The following FAM167A variants were observed in gnomAD, a reference collection of about 807,000 sequenced individuals.
FAM167A encodes family with sequence similarity 167 member A.
FAM167A carries 23 observed loss-of-function variants against 14.9 expected under a neutral mutation model. The observed-to-expected ratio is 1.55, with a 90% CI of 1.11 to 2.19. The LOEUF is 2.19. FAM167A is among the 30% of genes most tolerant of loss of function. FAM167A has a pLI of 0.00. For synonymous variants in FAM167A, 174 were observed against 117.7 expected, an observed-to-expected ratio of 1.48 and a Z score of -3.10; for missense variants, 401 against 281.5, an observed-to-expected ratio of 1.42 and a Z score of -3.04.
rs139195701 is a variant in FAM167A at position 11,436,247 on chromosome 8, G to T, written c.381+7784C>A. Among the ~76,000 whole-genome samples, 101 of 152,316 alleles carry T rather than the reference G, an allele frequency of 6.6e-4. 1 individual carries two copies. The highest frequency in any genetic ancestry group is 1.4e-3 in the Admixed American group (21 of 15,310). ...GATGCGGTGGGGACCCTCCCACTCA[G>T]GGGTGTCCTTAGCTTGCACATGAGG... On this transcript the variant is annotated intron_variant, in intron 2 of 2. Coordinates refer to ENST00000284486, the MANE Select transcript of FAM167A (RefSeq NM_053279.3).
At position 11,444,638 on chromosome 8, in the gene FAM167A, C is replaced by G; in HGVS notation, c.-227G>C. 1 of 1,330,436 alleles carries G rather than the reference C, an allele frequency of 7.5e-7. No individual in the cohort carries two copies. Among genetic ancestry groups the G allele is most frequent in the Non-Finnish European group, 9.6e-7 (1 of 1,044,868 alleles). 82.4% of individuals were successfully genotyped at this position (1,330,436 alleles called of 1,614,324 possible). A position where few individuals can be genotyped will look rare whatever the true frequency, so the allele number is the denominator to read the frequency against. On this transcript the variant is annotated 5_prime_UTR_variant, in exon 2 of 3. Coordinates refer to ENST00000284486, the MANE Select transcript of FAM167A (RefSeq NM_053279.3). ...TGGAGGCTCGGGTCTATGATCCGTC[C>G]TGGAAGCCTGTGGGTGCCATGCTCC...
intron 1 of FAM167A, among the ~76,000 whole-genome samples, chr8:11,457,080 G>A (rs1350081148): frequency 1.1e-5 from 1 of 91,184 alleles, no homozygotes; most frequent in African/African-American, 4.0e-5. Flanking sequence ...GGGGAAGTGG[G>A]CGGGGCTGGG....
intron 2 of FAM167A, among the ~76,000 whole-genome samples, chr8:11,432,600 G>A (rs1805689184): frequency 6.6e-6 from 1 of 152,190 alleles, no homozygotes; most frequent in South Asian, 2.1e-4. Flanking sequence ...AAATAGGAAT[G>A]CTTTTACACT....
intron 1 of FAM167A, among the ~76,000 whole-genome samples, chr8:11,463,643 G>C (rs1479679928): frequency 6.6e-6 from 1 of 152,210 alleles, no homozygotes; most frequent in East Asian, 1.9e-4. Context: ...GGATGCCCAA[G>C]GGACAAGCCC....
chr8:11,460,393 C>G (rs1807492218), intron 1 of FAM167A, among the ~76,000 whole-genome samples: 1 of 152,180 alleles, frequency 6.6e-6, no homozygotes, highest in Admixed American at 6.5e-5. Flanking sequence ...GACCTCCGTG[C>G]CCTCTTCCAC....
chr8:11,435,946 T>G (rs1043959250), intron 2 of FAM167A, among the ~76,000 whole-genome samples: 2 of 152,132 alleles, frequency 1.3e-5, no homozygotes, highest in African/African-American at 4.8e-5. Context: ...AGCAAACCAT[T>G]CAGTTACGTT....
intron 1 of FAM167A, among the ~76,000 whole-genome samples, chr8:11,473,205 C>A (rs554529559): frequency 1.3e-5 from 2 of 152,192 alleles, no homozygotes; most frequent in African/African-American, 4.8e-5. Context: ...GACACAGGGG[C>A]TCATTTCATC....
chr8:11,445,832 A>G (rs909854006), intron 1 of FAM167A, among the ~76,000 whole-genome samples: 10 of 151,580 alleles, frequency 6.6e-5, no homozygotes, highest in Non-Finnish European at 1.3e-4. Context: ...AAAAAAAAAA[A>G]TCTGTGCTGG....
chr8:11,463,308 G>A (rs566726191), intron 1 of FAM167A, among the ~76,000 whole-genome samples: 2 of 152,346 alleles, frequency 1.3e-5, no homozygotes, highest in South Asian at 2.1e-4. Flanking sequence ...CTTCCAGGGC[G>A]AAGTGCGTGG....
At chr8:11,453,446 G>C (rs184573887) in intron 1 of FAM167A, among the ~76,000 whole-genome samples, 27 of 152,358 alleles carry the variant, frequency 1.8e-4, no homozygotes, top group African/African-American at 6.5e-4. Flanking sequence ...TGAGAATCTT[G>C]TGAAGTATGC....
chr8:11,465,596 C>T (rs1807731384), intron 1 of FAM167A, among the ~76,000 whole-genome samples: 1 of 152,246 alleles, frequency 6.6e-6, no homozygotes, highest in South Asian at 2.1e-4. Flanking sequence ...GCAGAAGTTC[C>T]TATCCTGCCA....
chr8:11,435,592 C>T (rs895909716), intron 2 of FAM167A, among the ~76,000 whole-genome samples: 13 of 152,166 alleles, frequency 8.5e-5, no homozygotes, highest in African/African-American at 2.7e-4. Context: ...CTCTGCTACC[C>T]GGGCTGACCG....
chr8:11,441,670 C>T (rs780093471), intron 2 of FAM167A, among the ~76,000 whole-genome samples: 1 of 152,212 alleles, frequency 6.6e-6, no homozygotes, highest in African/African-American at 2.4e-5. Flanking sequence ...GTGGCTCACT[C>T]ATCATGTCAT....
At chr8:11,475,405 C>T (rs1045964993) in intron 1 of FAM167A, among the ~76,000 whole-genome samples, 2 of 152,084 alleles carry the variant, frequency 1.3e-5, no homozygotes, top group Admixed American at 1.3e-4. Flanking sequence ...GCCTCTCAAC[C>T]TCACCCCACC....
chr8:11,440,182 G>T (rs554612709), intron 2 of FAM167A, among the ~76,000 whole-genome samples: 1 of 152,134 alleles, frequency 6.6e-6, no homozygotes, highest in Non-Finnish European at 1.5e-5. Context: ...ACTGGGCCTC[G>T]CCTGGAGGAG....
intron 2 of FAM167A, among the ~76,000 whole-genome samples, chr8:11,431,755 G>A (rs1042460553): frequency 6.6e-6 from 1 of 151,852 alleles, no homozygotes; most frequent in African/African-American, 2.4e-5. Flanking sequence ...GTTGGAGGGT[G>A]GTCTCAGTGA....
chr8:11,439,767 G>A (rs1009362521), intron 2 of FAM167A, among the ~76,000 whole-genome samples: 1 of 152,158 alleles, frequency 6.6e-6, no homozygotes, highest in African/African-American at 2.4e-5. Flanking sequence ...CATAAACCAC[G>A]TGGAAGACTT....
chr8:11,442,201 G>A (rs540159720), intron 2 of FAM167A, among the ~76,000 whole-genome samples: 1 of 152,186 alleles, frequency 6.6e-6, no homozygotes, highest in South Asian at 2.1e-4. Flanking sequence ...ACTGGGCAGG[G>A]CACTTCATGC....
intron 2 of FAM167A, among the ~76,000 whole-genome samples, chr8:11,442,391 G>T (rs2117076622): frequency 6.6e-6 from 1 of 152,280 alleles, no homozygotes; most frequent in East Asian, 1.9e-4. Context: ...CTCCCCAGGT[G>T]GTTACGGTAC....
Sources: allele counts gnomAD v4.1 joint callset (sites outside exome capture counted in the v4.1 genomes callset), GRCh38; gene constraint gnomAD v4.1.1; transcripts MANE v1.5; gene names NCBI Gene and HGNC (gene_info 2026-07-23, HGNC 2026-07-21).